CLEC16A: variants seen among roughly 807,000 people sequenced by gnomAD.
CLEC16A encodes the protein protein CLEC16A.
A neutral mutation model predicts 109.5 loss-of-function variants in CLEC16A; 51 were observed. The ratio of observed to expected loss-of-function variants is 0.47; its 90% CI spans 0.37 to 0.59. The LOEUF (loss-of-function observed/expected upper bound fraction) is 0.59. Ranked by LOEUF, CLEC16A falls within the 20% of genes least tolerant of loss-of-function variation. The pLI is 0.00. For missense variants in CLEC16A, 1,339 were observed against 1,394.0 expected, an observed-to-expected ratio of 0.96 and a Z score of 0.63; for synonymous variants, 673 against 564.2, an observed-to-expected ratio of 1.19 and a Z score of -2.73.
chr16:11,058,375 T>TATGC (rs1212793914), intron 18 of CLEC16A, among the ~76,000 whole-genome samples: 1 of 152,266 alleles, frequency 6.6e-6, no homozygotes, highest in Middle Eastern at 3.2e-3. Context: ...GCATATAACC[T>TATGC]ATGCACATCC....
intron 19 of CLEC16A, among the ~76,000 whole-genome samples, chr16:11,117,203 A>G (rs2052059513): frequency 6.6e-6 from 1 of 152,164 alleles, no homozygotes; most frequent in Admixed American, 6.5e-5. Flanking sequence ...GGGGTTGAAA[A>G]ACTGTTGGGT....
chr16:11,008,155 A>C (rs75682690), intron 11 of CLEC16A, among the ~76,000 whole-genome samples: 1 of 152,172 alleles, frequency 6.6e-6, no homozygotes, highest in Non-Finnish European at 1.5e-5. Flanking sequence ...GCTGTCCCTT[A>C]TATCCTAGGT....
chr16:10,946,683 C>G (rs56206527), intron 1 of CLEC16A, among the ~76,000 whole-genome samples: 29,118 of 152,190 alleles, frequency 0.19, 3,113 homozygotes, highest in South Asian at 0.29. Flanking sequence ...CTGCTTAACT[C>G]TAGCCCTTTT....
At chr16:11,067,069 A>T (rs2048799734) in intron 19 of CLEC16A, among the ~76,000 whole-genome samples, 1 of 151,444 alleles carries the variant, frequency 6.6e-6, no homozygotes, top group South Asian at 2.1e-4. Flanking sequence ...TTTCAGAACG[A>T]GGGTAGTCTT....
intron 19 of CLEC16A, among the ~76,000 whole-genome samples, chr16:11,068,986 CTTTTT>C (rs34421150): frequency 8.1e-6 from 1 of 123,466 alleles, no homozygotes; most frequent in Non-Finnish European, 1.7e-5. Flanking sequence ...GGCTAATTTT[CTTTTT>C]TTTTTTTTTT....
intron 3 of CLEC16A, among the ~76,000 whole-genome samples, chr16:10,964,636 A>G (rs1200990492): frequency 6.6e-6 from 1 of 152,196 alleles, no homozygotes; most frequent in Non-Finnish European, 1.5e-5. Context: ...CTGCCCTGGG[A>G]AGCCTCTCAA....
chr16:11,142,148 G>GA (rs374435279), intron 22 of CLEC16A, among the ~76,000 whole-genome samples: 158 of 152,306 alleles, frequency 1.0e-3, no homozygotes, highest in African/African-American at 3.5e-3. Flanking sequence ...GAGGCCCAGA[G>GA]AGGTGAGGTA....
chr16:11,035,645 T>C (rs1387169781), intron 13 of CLEC16A, among the ~76,000 whole-genome samples: 3 of 152,224 alleles, frequency 2.0e-5, no homozygotes, highest in African/African-American at 7.2e-5. Context: ...CTTCATGGAA[T>C]GTCATGAGGA....
intron 1 of CLEC16A, among the ~76,000 whole-genome samples, chr16:10,957,060 G>A (rs1295889608): frequency 1.3e-5 from 2 of 152,192 alleles, no homozygotes; most frequent in Admixed American, 6.5e-5. Flanking sequence ...GCCTCCCAAA[G>A]TGCTGGGATT....
rs368046446 is a variant in CLEC16A at position 11,087,013 on chromosome 16, G to T, written c.2116+25991G>T. Among the ~76,000 whole-genome samples the T allele has an allele frequency of 3.9e-5, 6 of 152,272 alleles. No homozygotes were observed. In the East Asian group the frequency reaches 7.7e-4, roughly 20 times the overall value. ...GATCACTTACTTAGTAATTTTCTTT[G>T]AATGTACTCACAATTTATCCCTGTC... On this transcript the variant is annotated intron_variant, in intron 19 of 23. Coordinates refer to ENST00000409790, the MANE Select transcript of CLEC16A (RefSeq NM_015226.3).
intron 19 of CLEC16A, among the ~76,000 whole-genome samples, chr16:11,096,249 G>A (rs2050605295): frequency 6.6e-6 from 1 of 152,074 alleles, no homozygotes; most frequent in South Asian, 2.1e-4. Flanking sequence ...GGAGGCTGAG[G>A]TGGGAGGATC....
rs1161150496 is a variant in CLEC16A, at chr16:11,179,778, G to T, written c.*1088G>T. 1 of 152,446 alleles carries T rather than the reference G, an allele frequency of 6.6e-6. No individual in the cohort carries two copies. Among genetic ancestry groups the T allele is most frequent in the African/African-American group, 2.4e-5 (1 of 41,460 alleles). The allele number at this position is 152,446 out of a possible 1,614,324, so 9.4% of individuals were successfully genotyped here. ...AGCCAGTTCCCCTCCAGCTGCAAGG[G>T]CATGGTGTCCCCAGAGCTCTGAGTC... is the stretch of plus-strand genomic sequence containing the variant. On this transcript the variant is annotated 3_prime_UTR_variant, in exon 24 of 24. Coordinates refer to ENST00000409790, the MANE Select transcript of CLEC16A (RefSeq NM_015226.3).
intron 12 of CLEC16A, among the ~76,000 whole-genome samples, chr16:11,023,431 T>A (rs1300896560): frequency 6.6e-6 from 1 of 151,764 alleles, no homozygotes; most frequent in African/African-American, 2.4e-5. Flanking sequence ...GCTGGAGGCT[T>A]TCAAAACCCA....
chr16:11,010,720 T>C (rs2045351777), intron 11 of CLEC16A, among the ~76,000 whole-genome samples: 1 of 152,198 alleles, frequency 6.6e-6, no homozygotes, highest in Non-Finnish European at 1.5e-5. Context: ...AATAATGTCT[T>C]TCTAGCATAT....
At chr16:11,013,150 A>G (rs1350233304) in intron 11 of CLEC16A, among the ~76,000 whole-genome samples, 1 of 152,222 alleles carries the variant, frequency 6.6e-6, no homozygotes, top group Non-Finnish European at 1.5e-5. Flanking sequence ...CAGACTCCAC[A>G]TAGACGGTGG....
intron 11 of CLEC16A, among the ~76,000 whole-genome samples, chr16:11,015,739 C>G (rs190944846): frequency 2.7e-4 from 41 of 152,380 alleles, no homozygotes; most frequent in Middle Eastern, 3.4e-3. Context: ...AGAAAGGGGA[C>G]AACTACGTCA....
intron 11 of CLEC16A, among the ~76,000 whole-genome samples, chr16:11,006,751 T>A (rs1417287023): frequency 2.0e-5 from 3 of 152,160 alleles, no homozygotes; most frequent in African/African-American, 7.2e-5. Flanking sequence ...GCACCCAGAA[T>A]TCACACCTCC....
At chr16:11,107,548 G>A (rs2051297719) in intron 19 of CLEC16A, among the ~76,000 whole-genome samples, 1 of 152,218 alleles carries the variant, frequency 6.6e-6, no homozygotes, top group Non-Finnish European at 1.5e-5. Flanking sequence ...CACCCTCGGT[G>A]GGAACAGTCT....
At chr16:11,119,095 G>A (rs990419676) in intron 19 of CLEC16A, among the ~76,000 whole-genome samples, 2 of 152,186 alleles carry the variant, frequency 1.3e-5, no homozygotes, top group African/African-American at 4.8e-5. Flanking sequence ...TCGCCTCTCA[G>A]GTTCAAGCGA....
Sources: gnomAD v4.1 joint callset for allele counts (sites outside exome capture counted in the v4.1 genomes callset) on GRCh38, gnomAD v4.1.1 for gene constraint, MANE v1.5 for transcripts, NCBI Gene and HGNC (gene_info 2026-07-23, HGNC 2026-07-21) for gene names.